The following SCMH1 variants were observed in gnomAD, a reference collection of about 807,000 sequenced individuals.
The protein encoded by SCMH1 is Scm polycomb group protein homolog 1.
In SCMH1, 37 loss-of-function variants were observed where a neutral mutation model predicts 70.8. The observed-to-expected ratio is 0.52, with a 90% CI of 0.40 to 0.69. The LOEUF (loss-of-function observed/expected upper bound fraction) is 0.69. Ranked by LOEUF, SCMH1 falls within the 30% of genes least tolerant of loss-of-function variation. SCMH1 has a pLI of 0.00. For synonymous variants in SCMH1, 292 were observed against 307.4 expected (o/e 0.95, Z 0.52); for missense variants, 607 against 827.3 (o/e 0.73, Z 3.27).
At chr1:41,046,082 A>G (rs1237860939) in intron 12 of SCMH1, among the ~76,000 whole-genome samples, 1 of 151,612 alleles carries the variant, frequency 6.6e-6, no homozygotes. Flanking sequence ...TGCCAGGTTC[A>G]CACTGGGAGA....
At chr1:41,101,435 G>T (rs1198572576) in intron 8 of SCMH1, among the ~76,000 whole-genome samples, 2 of 152,118 alleles carry the variant, frequency 1.3e-5, no homozygotes, top group Non-Finnish European at 2.9e-5. Flanking sequence ...TTTAATAGTA[G>T]GGCAAATAAC....
intron 1 of SCMH1, among the ~76,000 whole-genome samples, chr1:41,193,208 G>T (rs149483017): frequency 1.3e-5 from 2 of 152,118 alleles, no homozygotes; most frequent in African/African-American, 4.8e-5. Flanking sequence ...GTGTTTTTAG[G>T]TATTTTTGTG....
intron 1 of SCMH1, among the ~76,000 whole-genome samples, chr1:41,193,155 A>G (rs1033111589): frequency 1.3e-5 from 2 of 152,150 alleles, no homozygotes; most frequent in African/African-American, 4.8e-5. Flanking sequence ...TCATTCCATT[A>G]TTTTACCTCA....
intron 1 of SCMH1, among the ~76,000 whole-genome samples, chr1:41,220,871 C>A (rs1389270662): frequency 6.6e-6 from 1 of 152,134 alleles, no homozygotes; most frequent in Non-Finnish European, 1.5e-5. Flanking sequence ...CAGGTTGGAA[C>A]CAGGACTAAT....
At chr1:41,137,458 CAT>C (rs1430350186) in intron 6 of SCMH1, among the ~76,000 whole-genome samples, 5 of 152,182 alleles carry the variant, frequency 3.3e-5, no homozygotes, top group Non-Finnish European at 5.9e-5. Context: ...CACACACACA[CAT>C]ACACCTACGA....
intron 8 of SCMH1, among the ~76,000 whole-genome samples, chr1:41,097,286 C>T (rs901843429): frequency 2.9e-4 from 44 of 152,166 alleles, no homozygotes; most frequent in Admixed American, 1.1e-3. Flanking sequence ...GCTAATGACA[C>T]GGTCTACCTC....
chr1:41,053,186 T>C (rs1648912913), intron 10 of SCMH1, among the ~76,000 whole-genome samples: 2 of 151,470 alleles, frequency 1.3e-5, no homozygotes, highest in South Asian at 2.1e-4. Flanking sequence ...CCCGGCCAAA[T>C]TGTATGCTTA....
intron 1 of SCMH1, among the ~76,000 whole-genome samples, chr1:41,233,003 C>T (rs1202777330): frequency 6.6e-6 from 1 of 152,112 alleles, no homozygotes; most frequent in Non-Finnish European, 1.5e-5. Context: ...AACCAGATTC[C>T]AGTTTTTGAC....
rs60864340 is a variant in SCMH1 at position 41,053,119 on chromosome 1, T to TG, written c.1106-4230_1106-4229insC. Among the ~76,000 whole-genome samples, 22 of 121,732 alleles carry TG rather than the reference T, an allele frequency of 1.8e-4. 2 individuals are homozygous for TG. The highest frequency in any genetic ancestry group is 7.4e-4 in the East Asian group (3 of 4,044). The allele number at this position is 121,732 out of a possible 152,430, so 79.9% of individuals were successfully genotyped here. Reference sequence around the variant, plus strand: ...TTTTAGTAGAGATGGGGTTTCACCATTGATCTGCCCGCCTCAGCCTCCCAA... The same window carrying TG: ...TTTTAGTAGAGATGGGGTTTCACCATGTGATCTGCCCGCCTCAGCCTCCCAA... On this transcript the variant is annotated intron_variant, in intron 10 of 14. Coordinates refer to ENST00000337495, the Ensembl canonical transcript of SCMH1.
At position 41,031,527 on chromosome 1, in the gene SCMH1, T is replaced by C. The variant is rs143069878; in HGVS notation, c.1679-2801A>G. Among the ~76,000 whole-genome samples the C allele has an allele frequency of 4.3e-4, 66 of 152,308 alleles. 1 individual carries two copies. In the East Asian group the frequency reaches 7.3e-3, roughly 17 times the overall value. ...GCATATTGTCTTTTCAAGCTTATAG[T>C]TGGGCACTGGGGAGAGGTATGCTAG... On this transcript the variant is annotated intron_variant, in intron 13 of 14. Transcript: ENST00000337495.
intron 10 of SCMH1, among the ~76,000 whole-genome samples, chr1:41,053,857 G>C (rs1444340503): frequency 1.3e-5 from 2 of 148,922 alleles, no homozygotes; most frequent in South Asian, 4.2e-4. Context: ...GTTTTTTTTT[G>C]TTTTTGAGAC....
At chr1:41,156,469 T>C (rs1645556744) in intron 4 of SCMH1, among the ~76,000 whole-genome samples, 1 of 152,178 alleles carries the variant, frequency 6.6e-6, no homozygotes, top group Non-Finnish European at 1.5e-5. Flanking sequence ...GGGTCTTGCT[T>C]TGAGTCAGTG....
chr1:41,073,185 C>T (rs994407683), intron 9 of SCMH1, among the ~76,000 whole-genome samples: 3 of 152,182 alleles, frequency 2.0e-5, no homozygotes, highest in Admixed American at 2.0e-4. Flanking sequence ...CCTAAAAGAT[C>T]CCTCCTATAG....
intron 13 of SCMH1, among the ~76,000 whole-genome samples, chr1:41,029,979 T>C (rs1224161528): frequency 6.6e-6 from 1 of 152,206 alleles, no homozygotes; most frequent in Non-Finnish European, 1.5e-5. Flanking sequence ...TTTGGGATGC[T>C]GACATGGGAG....
rs141168799 is a variant in SCMH1 at position 41,160,660 on chromosome 1, G to A, written c.106+215C>T. Among the ~76,000 whole-genome samples, 151 of 152,192 alleles carry A rather than the reference G, an allele frequency of 9.9e-4. 2 individuals carry two copies. The highest frequency in any genetic ancestry group is 8.2e-3 in the Admixed American group (125 of 15,282). ...AATTAACCACCTTCCCTCCCTTCTT[G>A]TTAGCTTGGTCTGTGGCCTACTGAT... On this transcript the variant is annotated intron_variant, in intron 4 of 14. Transcript: ENST00000337495.
chr1:41,119,574 G>A (rs1430060526), intron 6 of SCMH1, among the ~76,000 whole-genome samples: 1 of 152,114 alleles, frequency 6.6e-6, no homozygotes, highest in Non-Finnish European at 1.5e-5. Context: ...AATTCCCCTA[G>A]ACCAAGAGTG....
intron 10 of SCMH1, among the ~76,000 whole-genome samples, chr1:41,067,437 C>T (rs1654999400): frequency 7.5e-6 from 1 of 133,354 alleles, no homozygotes; most frequent in African/African-American, 3.0e-5. Context: ...GAGCAAGACT[C>T]CATCTCAACA....
intron 5 of SCMH1, among the ~76,000 whole-genome samples, chr1:41,147,901 G>A (rs567861317): frequency 1.3e-5 from 2 of 152,052 alleles, no homozygotes; most frequent in African/African-American, 2.4e-5. Context: ...TAGCAAGCTC[G>A]ATAGTAAAGA....
intron 13 of SCMH1, among the ~76,000 whole-genome samples, chr1:41,031,637 G>A (rs1020613232): frequency 6.6e-6 from 1 of 152,164 alleles, no homozygotes; most frequent in South Asian, 2.1e-4. Context: ...GGGGCTCTGT[G>A]AGCCAGTCAC....
Sources: allele counts gnomAD v4.1 joint callset (sites outside exome capture counted in the v4.1 genomes callset), GRCh38; gene constraint gnomAD v4.1.1; transcripts MANE v1.5; gene names NCBI Gene and HGNC (gene_info 2026-07-23, HGNC 2026-07-21).